The following CCNT1 variants were observed in gnomAD, a reference collection of about 807,000 sequenced individuals.
CCNT1 encodes the protein cyclin T1.
A neutral mutation model predicts 67.3 loss-of-function variants in CCNT1; 18 were observed. That is an observed-to-expected ratio of 0.27 (90% confidence interval 0.18 to 0.40). CCNT1 has a LOEUF of 0.40. Ranked by LOEUF, CCNT1 falls within the 10% of genes least tolerant of loss-of-function variation. The probability of loss-of-function intolerance (pLI) is 1.00; values close to 1 mark genes in which losing one functional copy is unlikely to be tolerated. For missense variants in CCNT1, 744 were observed against 884.9 expected, an observed-to-expected ratio of 0.84 and a Z score of 2.02; for synonymous variants, 333 against 310.3, an observed-to-expected ratio of 1.07 and a Z score of -0.77.
chr12:48,693,687 C>A lies in CCNT1; in HGVS notation c.1527G>T (p.Lys509Asn). ...SVTKSREHKEKHKTHPSNHHH... is the reference protein window; with the variant it reads ...SVTKSREHKENHKTHPSNHHH... Reference sequence around the variant, plus strand: ...GATGATTAGATGGGTGAGTCTTGTGCTTTTCTTTGTGCTCTCGGCTCTTTG... The same window carrying A: ...GATGATTAGATGGGTGAGTCTTGTGATTTTCTTTGTGCTCTCGGCTCTTTG... Residue 509 changes from lysine to asparagine, a missense_variant, in exon 9 of 9, where the codon AAG (lysine) becomes AAT (asparagine). Lys to Asn is a moderately conservative substitution (Grantham distance 94). Transcript: ENST00000261900. 6.2e-7 allele frequency: 1 copy of A among 1,614,078 alleles called. No individual in the cohort carries two copies. Among genetic ancestry groups the A allele is most frequent in the East Asian group, 2.2e-5 (1 of 44,878 alleles).
In CCNT1 at chr12:48,693,650, TATGATGATG is replaced by T; in HGVS notation, c.1555_1563del (p.His519_His521del). 2 of 1,613,950 alleles carry T rather than the reference TATGATGATG, an allele frequency of 1.2e-6. No individual in the cohort carries two copies. The highest frequency in any genetic ancestry group is 1.7e-6 in the Non-Finnish European group (2 of 1,179,914). On this transcript the variant is annotated inframe_deletion, in exon 9 of 9. Coordinates refer to ENST00000261900, the MANE Select transcript of CCNT1 (RefSeq NM_001240.4). Reference sequence around the variant, plus strand: ...TGAGAGTGCTTGTGTGAGTGGTGATTATGATGATGATGATGATTAGATGGGTGAGTCTTG... The same window carrying T: ...TGAGAGTGCTTGTGTGAGTGGTGATTATGATGATTAGATGGGTGAGTCTTG...
At chr12:48,700,966 T>C in intron 4 of CCNT1, 47 bp downstream of exon 4, 1 of 1,162,264 alleles carries the variant, frequency 8.6e-7, no homozygotes, top group Non-Finnish European at 1.3e-6. Context: ...AATCAAATCA[T>C]TTTATTGCAT....
intron 2 of CCNT1, among the ~76,000 whole-genome samples, chr12:48,711,083 T>A (rs1024025870): frequency 6.6e-6 from 1 of 150,982 alleles, no homozygotes; most frequent in Non-Finnish European, 1.5e-5. Context: ...TAAAAAAAGA[T>A]ATAACTTAAA....
rs1381660505 is a variant in CCNT1 at position 48,693,338 on chromosome 12, A to T, written c.1876T>A (p.Ser626Thr). Reference protein sequence around the residue: ...HSSDTSGLSFSQPSCKTRVPH... With the variant: ...HSSDTSGLSFTQPSCKTRVPH... ...ACACGAGTTTTACAGCTGGGCTGTG[A>T]AAAGGAAAGGCCACTTGTGTCTGAG... is the stretch of plus-strand genomic sequence containing the variant. The change falls in exon 9 of 9, where the codon TCA becomes ACA. Residue 626 changes from serine (S) to threonine (T), a missense_variant. Ser to Thr is a moderately conservative substitution (Grantham distance 58). Coordinates refer to ENST00000261900, the MANE Select transcript of CCNT1 (RefSeq NM_001240.4). 1 of 1,614,194 alleles carries T rather than the reference A, an allele frequency of 6.2e-7. No individual in the cohort carries two copies. Among genetic ancestry groups the T allele is most frequent in the Non-Finnish European group, 8.5e-7 (1 of 1,180,030 alleles).
chr12:48,694,086 C>T lies in CCNT1; in HGVS notation c.1128G>A (p.Lys376=), dbSNP rs1295854908. The T allele has an allele frequency of 1.9e-6, 3 of 1,614,118 alleles. No homozygotes were observed. The African/African-American group carries it at 4.0e-5, about 22-fold the overall frequency. The part of the protein sequence containing the change: ...QDGSNAFISQ[K]QNSKSVPSAK... ...CTGATGGCACACTCTTACTATTCTG[C>T]TTCTGGGAAATAAATGCATTTGAAC... Residue 376 remains lysine (K), a synonymous_variant, in exon 9 of 9, where the codon AAG becomes AAA. Coordinates refer to ENST00000261900, the MANE Select transcript of CCNT1 (RefSeq NM_001240.4).
At chr12:48,698,314 A>G in intron 5 of CCNT1, 131 bp from the exon 6 acceptor site, 1 of 588,356 alleles carries the variant, frequency 1.7e-6, no homozygotes, top group Non-Finnish European at 3.0e-6. Context: ...TGAGACACAC[A>G]TGGTCCCTGT....
At chr12:48,708,961 G>A (rs1210169082) in intron 2 of CCNT1, among the ~76,000 whole-genome samples, 1 of 152,124 alleles carries the variant, frequency 6.6e-6, no homozygotes, top group East Asian at 1.9e-4. Flanking sequence ...TGGGCGTGGT[G>A]GCACTGTAGT....
At chr12:48,716,220 C>G (rs1592128935) in intron 1 of CCNT1, among the ~76,000 whole-genome samples, 1 of 152,218 alleles carries the variant, frequency 6.6e-6, no homozygotes, top group East Asian at 1.9e-4. Context: ...GTCACCAGAG[C>G]AGATCAGAAC....
chr12:48,706,239 G>T (rs998434462), intron 2 of CCNT1, among the ~76,000 whole-genome samples: 2 of 152,174 alleles, frequency 1.3e-5, no homozygotes, highest in Non-Finnish European at 2.9e-5. Context: ...GAAATGTCCA[G>T]AATACGCAAA....
chr12:48,716,094 C>T (rs2137248859), intron 1 of CCNT1, among the ~76,000 whole-genome samples: 1 of 152,358 alleles, frequency 6.6e-6, no homozygotes, highest in Admixed American at 6.5e-5. Context: ...CTTTATAACA[C>T]TTTCAGGTAC....
rs908889478 is a variant in CCNT1, at chr12:48,691,804, T to C, written c.*1229A>G. 6.6e-6 allele frequency: 1 copy of C among 152,224 alleles called. No individual in the cohort carries two copies. The highest frequency in any genetic ancestry group is 1.5e-5 in the Non-Finnish European group (1 of 68,046). The allele number at this position is 152,224 out of a possible 1,614,324, so 9.4% of individuals were successfully genotyped here. On this transcript the variant is annotated 3_prime_UTR_variant, in exon 9 of 9. Coordinates refer to ENST00000261900, the MANE Select transcript of CCNT1 (RefSeq NM_001240.4). ...CTGCAAAAACTTGAGGATGTAGCTG[T>C]TTCCCTTCGGATATACACATAAAAA...
intron 8 of CCNT1, 67 bp from the exon 9 acceptor site, chr12:48,694,503 T>C: frequency 7.1e-7 from 1 of 1,401,726 alleles, no homozygotes; most frequent in Non-Finnish European, 9.8e-7. Context: ...CTGAGATGAG[T>C]AGATTGTACT....
chr12:48,696,220 G>T (rs1940165355), intron 6 of CCNT1, 58 bp from the exon 7 acceptor site: 4 of 220,400 alleles, frequency 1.8e-5, no homozygotes, highest in Non-Finnish European at 3.1e-5. Flanking sequence ...TCAGCCCAAA[G>T]CTAAAACTCT....
At chr12:48,697,904 C>T (rs1248582592) in intron 6 of CCNT1, 1 of 208,646 alleles carries the variant, frequency 4.8e-6, no homozygotes, top group Admixed American at 6.2e-5. Flanking sequence ...CAGAATACTC[C>T]AAATTAGATT....
intron 6 of CCNT1, 48 bp downstream of exon 6, chr12:48,698,085 CAAGTA>C (rs1940206269): frequency 3.3e-6 from 4 of 1,199,522 alleles, no homozygotes; most frequent in Non-Finnish European, 4.7e-6. Flanking sequence ...GTATCAAACT[CAAGTA>C]AAGTCCTATA....
At chr12:48,698,223 A>G in intron 5 of CCNT1, 40 bp from the exon 6 acceptor site, 2 of 1,390,814 alleles carry the variant, frequency 1.4e-6, no homozygotes, top group Admixed American at 2.2e-5. Context: ...GGGGAGGAAA[A>G]AAGTTATTAG....
chr12:48,698,051 C>CT lies in CCNT1; in HGVS notation c.542+86_542+87insA, dbSNP rs947287955. On this transcript the variant is annotated intron_variant, in intron 6 of 8. Coordinates refer to ENST00000261900, the MANE Select transcript of CCNT1 (RefSeq NM_001240.4). Reference sequence around the variant, plus strand: ...AACTGTGCAGAAAAATCAACATTCACCAGAGAATTATCTATAGCACACTGT... The same window carrying CT: ...AACTGTGCAGAAAAATCAACATTCACTCAGAGAATTATCTATAGCACACTGT... 4 of 735,762 alleles carry CT rather than the reference C, an allele frequency of 5.4e-6. No homozygotes were observed. The African/African-American group carries it at 7.3e-5, about 13-fold the overall frequency. The allele number at this position is 735,762 out of a possible 1,614,324, so 45.6% of individuals were successfully genotyped here.
rs1056850652 is a variant in CCNT1, at chr12:48,693,219, G to A, written c.1995C>T (p.His665=). The A allele has an allele frequency of 2.5e-6, 4 of 1,614,214 alleles. No individual in the cohort carries two copies. The highest frequency in any genetic ancestry group is 1.7e-6 in the Non-Finnish European group (2 of 1,180,036). The change falls in exon 9 of 9, where the codon CAC becomes CAT. Residue 665 remains histidine (H), a synonymous_variant. Transcript: ENST00000261900. ...GAACACCCTGGGCACTGAGCAGGGA[G>A]TGAAGCATATTCACAGTGTCTTGAT... ...IDYQDTVNML[H]SLLSAQGVQP...
At position 48,689,434 on chromosome 12, in the gene CCNT1, A is replaced by G. The variant is rs550541787; in HGVS notation, c.*3599T>C. On this transcript the variant is annotated 3_prime_UTR_variant, in exon 9 of 9. Transcript: ENST00000261900. Reference sequence around the variant, plus strand: ...CATGAAAATCTCCTAAACCATCAGGAGCAAACACTCAGTTAAAAGCTGGGT... The same window carrying G: ...CATGAAAATCTCCTAAACCATCAGGGGCAAACACTCAGTTAAAAGCTGGGT... 104 of 152,322 alleles carry G rather than the reference A, an allele frequency of 6.8e-4. No homozygotes were observed. The highest frequency in any genetic ancestry group is 2.4e-3 in the African/African-American group (101 of 41,572). 9.4% of individuals were successfully genotyped at this position (152,322 alleles called of 1,614,324 possible).
Sources: gnomAD v4.1 joint callset for allele counts (sites outside exome capture counted in the v4.1 genomes callset) on GRCh38, gnomAD v4.1.1 for gene constraint, MANE v1.5 for transcripts, NCBI Gene and HGNC (gene_info 2026-07-23, HGNC 2026-07-21) for gene names.